PTPRO: variants seen among roughly 807,000 people sequenced by gnomAD.
The protein encoded by PTPRO is receptor-type tyrosine-protein phosphatase O.
PTPRO carries 62 observed loss-of-function variants against 145.2 expected under a neutral mutation model. The ratio of observed to expected loss-of-function variants is 0.43; its 90% CI spans 0.35 to 0.53. The LOEUF is 0.53. PTPRO is among the 20% of genes least tolerant of loss of function. The probability of loss-of-function intolerance (pLI) is 0.01; values close to 1 mark genes in which losing one functional copy is unlikely to be tolerated. For synonymous variants in PTPRO, 565 were observed against 514.7 expected, an observed-to-expected ratio of 1.10 and a Z score of -1.32; for missense variants, 1,345 against 1,482.7, an observed-to-expected ratio of 0.91 and a Z score of 1.53.
chr12:15,515,598 A>G lies in PTPRO; in HGVS notation c.1565A>G (p.Asp522Gly). 6.2e-7 allele frequency: 1 copy of G among 1,614,018 alleles called. No individual in the cohort carries two copies. Among genetic ancestry groups the G allele is most frequent in the Non-Finnish European group, 8.5e-7 (1 of 1,179,974 alleles). ...RKGPLIGPPS[D>G]PVTFAIVPTG... is the part of the protein sequence containing the mutation. ...GGCCCTTTGATTGGACCACCTTCAG[A>G]TCCTGTGACATTTGCTATTGGTAAG... Residue 522 changes from aspartate to glycine, a missense_variant, in exon 8 of 27, where the codon GAT (aspartate) becomes GGT (glycine). By Grantham distance (94) the Asp-to-Gly change is moderately conservative. This residue lies in a region of PTPRO where 1,130 missense variants were observed against 1,214.7 expected (regional missense o/e 0.93). Coordinates refer to ENST00000281171, the MANE Select transcript of PTPRO (RefSeq NM_030667.3).
Position 15,322,697 on chromosome 12 carries a change from C to T in PTPRO, c.-30C>T. On this transcript the variant is annotated 5_prime_UTR_variant, in exon 1 of 27. Transcript: ENST00000281171. This position sits in a 1 kb window ranked among gnomAD's most constrained non-coding sequence, Gnocchi z 6.3. Reference sequence around the variant, plus strand: ...CCGCCGGGGGAGTCCGCTAGCGCAGCCGTGCCCCCGAGTCCCCGTCCGCGC... The same window carrying T: ...CCGCCGGGGGAGTCCGCTAGCGCAGTCGTGCCCCCGAGTCCCCGTCCGCGC... 4 of 1,590,502 alleles carry T rather than the reference C, an allele frequency of 2.5e-6. No individual in the cohort carries two copies. The highest frequency in any genetic ancestry group is 3.4e-6 in the Non-Finnish European group (4 of 1,164,522).
At chr12:15,521,209 C>A (rs1942713403) in intron 10 of PTPRO, among the ~76,000 whole-genome samples, 1 of 151,668 alleles carries the variant, frequency 6.6e-6, no homozygotes, top group Admixed American at 6.6e-5. Context: ...ATCTAGTTTA[C>A]TCTGTTGAAA....
At chr12:15,480,780 C>T (rs1342586423) in intron 1 of PTPRO, among the ~76,000 whole-genome samples, 1 of 151,718 alleles carries the variant, frequency 6.6e-6, no homozygotes. Flanking sequence ...GATGGACGGA[C>T]GGACGGACAG....
At chr12:15,441,530 G>T (rs569601431) in intron 1 of PTPRO, among the ~76,000 whole-genome samples, 1 of 152,186 alleles carries the variant, frequency 6.6e-6, no homozygotes, top group South Asian at 2.1e-4. Flanking sequence ...GAATCAAATT[G>T]AGACCCAAAA....
chr12:15,522,057 G>A (rs1942732663), intron 10 of PTPRO, among the ~76,000 whole-genome samples: 1 of 152,082 alleles, frequency 6.6e-6, no homozygotes, highest in Non-Finnish European at 1.5e-5. Flanking sequence ...TCAGCATATT[G>A]ACAGAGATGG....
intron 10 of PTPRO, among the ~76,000 whole-genome samples, chr12:15,523,840 C>T (rs1471757487): frequency 1.3e-5 from 2 of 151,724 alleles, no homozygotes; most frequent in Non-Finnish European, 2.9e-5. Context: ...CTCTGTCACC[C>T]AGGCTGGAAT....
chr12:15,578,427 A>C (rs1944234038), intron 19 of PTPRO, among the ~76,000 whole-genome samples: 1 of 152,250 alleles, frequency 6.6e-6, no homozygotes, highest in African/African-American at 2.4e-5. Flanking sequence ...CTATTACCAC[A>C]ATAATGCTGT....
chr12:15,481,787 C>T (rs1360713913), intron 1 of PTPRO, among the ~76,000 whole-genome samples: 2 of 152,026 alleles, frequency 1.3e-5, no homozygotes, highest in Non-Finnish European at 2.9e-5. Flanking sequence ...AATAAAATAA[C>T]AAGAAAAAGT....
At chr12:15,381,092 C>T (rs1417886526) in intron 1 of PTPRO, among the ~76,000 whole-genome samples, 7 of 152,128 alleles carry the variant, frequency 4.6e-5, no homozygotes, top group Non-Finnish European at 7.4e-5. Context: ...ACTGTTCTTT[C>T]ATGAGATTTA....
At chr12:15,546,300 G>T in intron 12 of PTPRO, 1 of 1,255,084 alleles carries the variant, frequency 8.0e-7, no homozygotes, top group South Asian at 1.7e-5. Flanking sequence ...ACTATTAATA[G>T]ATTATGACTA....
chr12:15,433,936 G>A (rs908716160), intron 1 of PTPRO, among the ~76,000 whole-genome samples: 3 of 152,070 alleles, frequency 2.0e-5, no homozygotes, highest in Non-Finnish European at 2.9e-5. Flanking sequence ...TTGTTCATTT[G>A]TTTTTGAAAC....
At chr12:15,486,754 C>T (rs895178156) in intron 2 of PTPRO, among the ~76,000 whole-genome samples, 9 of 151,810 alleles carry the variant, frequency 5.9e-5, no homozygotes, top group East Asian at 5.8e-4. Flanking sequence ...TAATTTTAAT[C>T]GCTCAATAGC....
chr12:15,392,749 A>G (rs972241495), intron 1 of PTPRO, among the ~76,000 whole-genome samples: 10 of 148,770 alleles, frequency 6.7e-5, no homozygotes, highest in Non-Finnish European at 1.2e-4. Context: ...AAAAGAAGAA[A>G]AAAGAAGGGG....
chr12:15,528,113 G>C (rs1235326073), intron 12 of PTPRO, among the ~76,000 whole-genome samples: 1 of 151,952 alleles, frequency 6.6e-6, no homozygotes, highest in African/African-American at 2.4e-5. Flanking sequence ...CAGCAGAATG[G>C]ACAAAGGAGT....
chr12:15,557,380 C>A, intron 15 of PTPRO, 75 bp from the exon 16 acceptor site: 1 of 1,272,634 alleles, frequency 7.9e-7, no homozygotes, highest in Non-Finnish European at 1.1e-6. Flanking sequence ...CTGGTAAAGA[C>A]TCTCTTTACT....
chr12:15,546,412 C>T lies in PTPRO; in HGVS notation c.2165-157C>T. ...TCTGCCTTCCAAGTTAGATAGCTAT[C>T]TTTATGAAAGGACATATTTCAAAGG... is the stretch of plus-strand genomic sequence containing the variant. On this transcript the variant is annotated intron_variant, in intron 12 of 26. Coordinates refer to ENST00000281171, the MANE Select transcript of PTPRO (RefSeq NM_030667.3). The T allele has an allele frequency of 2.8e-6, 4 of 1,449,570 alleles. No homozygotes were observed. The South Asian group carries it at 5.9e-5, about 21-fold the overall frequency. 89.8% of individuals were successfully genotyped at this position (1,449,570 alleles called of 1,614,324 possible). A position where few individuals can be genotyped will look rare whatever the true frequency, so the allele number is the denominator to read the frequency against.
At chr12:15,384,989 A>G (rs1017148413) in intron 1 of PTPRO, among the ~76,000 whole-genome samples, 2 of 152,222 alleles carry the variant, frequency 1.3e-5, no homozygotes, top group African/African-American at 4.8e-5. Context: ...ACATTTGTGA[A>G]CCAGCAAATG....
chr12:15,365,268 G>T (rs1938326841), intron 1 of PTPRO, among the ~76,000 whole-genome samples: 1 of 152,052 alleles, frequency 6.6e-6, no homozygotes, highest in Non-Finnish European at 1.5e-5. Flanking sequence ...TATTTGGCCA[G>T]TCCACATGAT....
chr12:15,354,113 T>A lies in PTPRO; in HGVS notation c.75+31312T>A, dbSNP rs528869350. Among the ~76,000 whole-genome samples the A allele has an allele frequency of 2.7e-5, 4 of 150,354 alleles. No individual in the cohort carries two copies. In the East Asian group the frequency reaches 7.7e-4, roughly 29 times the overall value. On this transcript the variant is annotated intron_variant, in intron 1 of 26. Transcript: ENST00000281171. ...GGTCCTCCTCAAATAGGGCACTAAA[T>A]TTTTTTTTAAAAAAGGGCATTAACA...
Sources: allele counts gnomAD v4.1 joint callset (sites outside exome capture counted in the v4.1 genomes callset), GRCh38; gene constraint gnomAD v4.1.1; regional missense constraint gnomAD v4.1.1; non-coding constraint Gnocchi (gnomAD v3.1); transcripts MANE v1.5; gene names NCBI Gene and HGNC (gene_info 2026-07-23, HGNC 2026-07-21).